Variants in SLC24A3 observed in about 807,000 individuals in gnomAD.
The protein encoded by SLC24A3 is sodium/potassium/calcium exchanger 3.
Under a neutral mutation model 75.8 loss-of-function variants are expected in SLC24A3, and 28 were observed. That is an observed-to-expected ratio of 0.37 (90% CI 0.27 to 0.51). SLC24A3 has a LOEUF of 0.51. Ranked by LOEUF, SLC24A3 falls within the 20% of genes least tolerant of loss-of-function variation. The pLI is 0.94. For synonymous variants in SLC24A3, 372 were observed against 334.1 expected (o/e 1.11, Z -1.24); for missense variants, 663 against 847.8 (o/e 0.78, Z 2.71).
intron 2 of SLC24A3, among the ~76,000 whole-genome samples, chr20:19,358,900 C>T (rs1194786836): frequency 6.6e-6 from 1 of 152,190 alleles, no homozygotes; most frequent in Admixed American, 6.5e-5. Flanking sequence ...GCTTATTTCA[C>T]TTAGTATCAT....
intron 2 of SLC24A3, among the ~76,000 whole-genome samples, chr20:19,331,777 G>T (rs1012070): frequency 0.14 from 20,654 of 152,048 alleles, 3,301 homozygotes; most frequent in African/African-American, 0.36. Context: ...CTAGGGGGAG[G>T]TGTCAGAATT....
intron 1 of SLC24A3, chr20:19,242,411 G>A: frequency 6.6e-6 from 1 of 152,182 alleles, no homozygotes; most frequent in East Asian, 1.9e-4. Context: ...TGAGGTTTGG[G>A]CGATAGAGGT....
chr20:19,315,708 TG>T (rs1984569923), intron 2 of SLC24A3, among the ~76,000 whole-genome samples: 1 of 152,238 alleles, frequency 6.6e-6, no homozygotes, highest in East Asian at 1.9e-4. Flanking sequence ...GTGGCTCTTC[TG>T]GTAGGAGGGT....
chr20:19,652,870 C>T (rs1037028587), intron 6 of SLC24A3, among the ~76,000 whole-genome samples: 7 of 152,156 alleles, frequency 4.6e-5, no homozygotes, highest in Admixed American at 6.5e-5. Flanking sequence ...GTCATTGCCA[C>T]GGCTGAGAGT....
chr20:19,352,142 G>T (rs535622370), intron 2 of SLC24A3, among the ~76,000 whole-genome samples: 3 of 151,986 alleles, frequency 2.0e-5, no homozygotes, highest in Admixed American at 1.3e-4. Flanking sequence ...GGCGGGGAGG[G>T]GGTAGTTCTG....
intron 16 of SLC24A3, among the ~76,000 whole-genome samples, chr20:19,720,079 C>T (rs562257830): frequency 2.8e-4 from 42 of 152,128 alleles, no homozygotes; most frequent in African/African-American, 9.6e-4. Flanking sequence ...GCTTCTGTCA[C>T]TGCCAATAGC....
chr20:19,603,755 G>T (rs867913802), intron 6 of SLC24A3, among the ~76,000 whole-genome samples: 30 of 152,158 alleles, frequency 2.0e-4, no homozygotes, highest in Middle Eastern at 6.8e-3. Context: ...TGGCCTTGGA[G>T]CCACATTATG....
chr20:19,303,276 C>T (rs553188645), intron 2 of SLC24A3, among the ~76,000 whole-genome samples: 4 of 152,236 alleles, frequency 2.6e-5, no homozygotes, highest in South Asian at 2.1e-4. Flanking sequence ...TTTTCTGTCC[C>T]TGTGTTAGTT....
intron 2 of SLC24A3, among the ~76,000 whole-genome samples, chr20:19,344,395 TACATGG>T (rs1236547542): frequency 6.6e-6 from 1 of 152,202 alleles, no homozygotes; most frequent in African/African-American, 2.4e-5. Flanking sequence ...ACTACATATG[TACATGG>T]CTTGGTCTTG....
chr20:19,666,617 C>T (rs139720842), intron 8 of SLC24A3, among the ~76,000 whole-genome samples: 1 of 152,168 alleles, frequency 6.6e-6, no homozygotes, highest in African/African-American at 2.4e-5. Context: ...CATTAAAGTT[C>T]CCCCTGACTT....
intron 2 of SLC24A3, among the ~76,000 whole-genome samples, chr20:19,305,938 A>T (rs137903934): frequency 0.01 from 1,531 of 152,346 alleles, 23 homozygotes; most frequent in African/African-American, 0.034. Flanking sequence ...CAGAGTAAAA[A>T]GACAACCTAC....
chr20:19,377,787 C>A (rs533843743), intron 2 of SLC24A3, among the ~76,000 whole-genome samples: 4 of 152,308 alleles, frequency 2.6e-5, no homozygotes, highest in Non-Finnish European at 2.9e-5. Flanking sequence ...ACCACCCAGC[C>A]TTTTCCTGTT....
At chr20:19,683,655 T>A (rs1600338756) in intron 10 of SLC24A3, among the ~76,000 whole-genome samples, 2 of 152,222 alleles carry the variant, frequency 1.3e-5, no homozygotes. Context: ...TGCTGACATT[T>A]GAAGGGCATA....
At chr20:19,495,016 G>T (rs6106086) in intron 2 of SLC24A3, among the ~76,000 whole-genome samples, 6 of 152,030 alleles carry the variant, frequency 3.9e-5, no homozygotes, top group Non-Finnish European at 7.4e-5. Flanking sequence ...CCAGCCTCAG[G>T]TGGATCCCAG....
At chr20:19,594,379 A>G (rs2031422997) in intron 6 of SLC24A3, among the ~76,000 whole-genome samples, 1 of 152,224 alleles carries the variant, frequency 6.6e-6, no homozygotes, top group Non-Finnish European at 1.5e-5. Context: ...GAGACCTCCT[A>G]GAATCTAAAA....
intron 3 of SLC24A3, among the ~76,000 whole-genome samples, chr20:19,516,759 G>T: frequency 6.6e-6 from 1 of 152,154 alleles, no homozygotes; most frequent in Non-Finnish European, 1.5e-5. Context: ...GAAGTCCCAC[G>T]GTGTCATTTC....
At chr20:19,640,992 C>T (rs1188438608) in intron 6 of SLC24A3, among the ~76,000 whole-genome samples, 3 of 152,096 alleles carry the variant, frequency 2.0e-5, no homozygotes, top group African/African-American at 7.2e-5. Flanking sequence ...TGAAGGAAAA[C>T]ATATTTAAAT....
At chr20:19,221,712 A>G (rs1341737377) in intron 1 of SLC24A3, among the ~76,000 whole-genome samples, 1 of 152,124 alleles carries the variant, frequency 6.6e-6, no homozygotes, top group Non-Finnish European at 1.5e-5. Context: ...GTCTTGGTTA[A>G]TCATTTTCGA....
chr20:19,354,575 A>T (rs933520137), intron 2 of SLC24A3, among the ~76,000 whole-genome samples: 1 of 149,622 alleles, frequency 6.7e-6, no homozygotes, highest in Non-Finnish European at 1.5e-5. Context: ...TGGACTTCAT[A>T]AAAAATTTGT....
Sources: allele counts gnomAD v4.1 joint callset (sites outside exome capture counted in the v4.1 genomes callset), GRCh38; gene constraint gnomAD v4.1.1; transcripts MANE v1.5; gene names NCBI Gene and HGNC (gene_info 2026-07-23, HGNC 2026-07-21).